The following HECW1 variants were observed in gnomAD, a reference collection of about 807,000 sequenced individuals.
HECW1 encodes the protein HECT, C2 and WW domain containing E3 ubiquitin protein ligase 1, also known as E3 ubiquitin-protein ligase HECW1.
In HECW1, 61 loss-of-function variants were observed where a neutral mutation model predicts 182.3. The observed-to-expected ratio is 0.33, with a 90% CI of 0.27 to 0.41. The LOEUF is 0.41. Among genes scored for constraint, HECW1 ranks in the 10% least tolerant of loss-of-function variants. The pLI, the probability that HECW1 is intolerant of heterozygous loss-of-function variation, is 1.00. For missense variants in HECW1, 1,739 were observed against 2,108.9 expected, an observed-to-expected ratio of 0.82 and a Z score of 3.44; for synonymous variants, 859 against 832.6, an observed-to-expected ratio of 1.03 and a Z score of -0.55.
chr7:43,546,976 A>G (rs2081590880), intron 26 of HECW1, among the ~76,000 whole-genome samples: 1 of 151,956 alleles, frequency 6.6e-6, no homozygotes, highest in Non-Finnish European at 1.5e-5. Context: ...ACAGGCCGAT[A>G]TCCTTTCTCC....
intron 2 of HECW1, among the ~76,000 whole-genome samples, chr7:43,115,122 C>T (rs1264008948): frequency 6.6e-6 from 1 of 152,136 alleles, no homozygotes; most frequent in African/African-American, 2.4e-5. Flanking sequence ...TGGTAACTGA[C>T]AGAGGAGTAA....
chr7:43,177,433 A>T (rs1792372367), intron 2 of HECW1, among the ~76,000 whole-genome samples: 2 of 152,320 alleles, frequency 1.3e-5, no homozygotes, highest in South Asian at 4.1e-4. Flanking sequence ...ATCCCAGGGC[A>T]GTCTGGACTG....
chr7:43,558,960 G>A (rs1036794771), intron 29 of HECW1, among the ~76,000 whole-genome samples: 7 of 152,228 alleles, frequency 4.6e-5, no homozygotes, highest in African/African-American at 1.4e-4. Context: ...CAAGGCTGTA[G>A]TTAGGCAGTG....
At chr7:43,548,747 G>C (rs909120115) in intron 26 of HECW1, among the ~76,000 whole-genome samples, 1 of 152,158 alleles carries the variant, frequency 6.6e-6, no homozygotes, top group Non-Finnish European at 1.5e-5. Flanking sequence ...CTCAAGACCA[G>C]CCTGGCCAAC....
chr7:43,152,197 T>C (rs1789405045), intron 2 of HECW1, among the ~76,000 whole-genome samples: 1 of 44,638 alleles, frequency 2.2e-5, no homozygotes, highest in Non-Finnish European at 3.9e-5. Flanking sequence ...AATGCATAAT[T>C]TCTGGGAAAA....
chr7:43,184,165 C>T (rs1793144340), intron 2 of HECW1, among the ~76,000 whole-genome samples: 1 of 152,158 alleles, frequency 6.6e-6, no homozygotes, highest in South Asian at 2.1e-4. Context: ...AGGTGCCCAC[C>T]ACCATGCCTG....
intron 24 of HECW1, chr7:43,523,184 A>G (rs1239759132): frequency 7.0e-6 from 2 of 285,824 alleles, no homozygotes; most frequent in African/African-American, 4.6e-5. Context: ...TTGTGTTTTT[A>G]GTACATAAGG....
At chr7:43,351,364 T>C (rs1390799477) in intron 5 of HECW1, among the ~76,000 whole-genome samples, 1 of 152,190 alleles carries the variant, frequency 6.6e-6, no homozygotes, top group Non-Finnish European at 1.5e-5. Context: ...GGTGGCACTT[T>C]CCAGAGAGTT....
chr7:43,190,854 T>C (rs975858490), intron 2 of HECW1, among the ~76,000 whole-genome samples: 1 of 152,232 alleles, frequency 6.6e-6, no homozygotes, highest in African/African-American at 2.4e-5. Flanking sequence ...GACCCAGTCT[T>C]GTTTCTGGCT....
At chr7:43,513,410 A>G (rs566852311) in intron 24 of HECW1, among the ~76,000 whole-genome samples, 7 of 152,300 alleles carry the variant, frequency 4.6e-5, no homozygotes, top group African/African-American at 1.7e-4. Flanking sequence ...AAAGACATCA[A>G]TGGAGAAACC....
chr7:43,539,961 G>T (rs533149105), intron 24 of HECW1, among the ~76,000 whole-genome samples: 5 of 152,308 alleles, frequency 3.3e-5, no homozygotes, highest in Admixed American at 3.3e-4. Context: ...AGGACCCATT[G>T]TCCCAGAAGC....
chr7:43,118,103 G>GC (rs1785222240), intron 2 of HECW1: 1 of 152,594 alleles, frequency 6.6e-6, no homozygotes. Context: ...TGCCCATGAT[G>GC]ACAAATGCCA....
At chr7:43,255,936 A>G (rs1800522911) in intron 3 of HECW1, among the ~76,000 whole-genome samples, 1 of 152,248 alleles carries the variant, frequency 6.6e-6, no homozygotes, top group South Asian at 2.1e-4. Context: ...TTTCCTTATT[A>G]TAAAAAGTTA....
chr7:43,112,841 C>T lies in HECW1; in HGVS notation c.-363C>T, dbSNP rs1001067201. On this transcript the variant is annotated 5_prime_UTR_variant, in exon 1 of 30. Coordinates refer to ENST00000395891, the MANE Select transcript of HECW1 (RefSeq NM_015052.5). ...GCCAGGGTCCCCTCCCCAGCCAGTCCCAGGCGCCCGGTGCACTATGCGGGG... is the reference window on the plus strand; with the variant it reads ...GCCAGGGTCCCCTCCCCAGCCAGTCTCAGGCGCCCGGTGCACTATGCGGGG... 15 of 227,462 alleles carry T rather than the reference C, an allele frequency of 6.6e-5. No homozygotes were observed. Among genetic ancestry groups the T allele is most frequent in the Non-Finnish European group, 1.3e-4 (15 of 114,362 alleles). 14.1% of individuals were successfully genotyped at this position (227,462 alleles called of 1,614,324 possible).
At chr7:43,498,086 G>C (rs1040316186) in intron 19 of HECW1, among the ~76,000 whole-genome samples, 1 of 152,176 alleles carries the variant, frequency 6.6e-6, no homozygotes, top group African/African-American at 2.4e-5. Context: ...AGTGCACTTT[G>C]GGATGGAGTC....
At chr7:43,406,060 G>A (rs2075600358) in intron 7 of HECW1, among the ~76,000 whole-genome samples, 1 of 152,202 alleles carries the variant, frequency 6.6e-6, no homozygotes, top group Non-Finnish European at 1.5e-5. Flanking sequence ...CAACCTTGAT[G>A]TTATGACAGA....
chr7:43,337,724 A>C (rs1216949029), intron 5 of HECW1, among the ~76,000 whole-genome samples: 1 of 152,232 alleles, frequency 6.6e-6, no homozygotes, highest in African/African-American at 2.4e-5. Flanking sequence ...AGCCAAGATC[A>C]TTGTCTCCCA....
At chr7:43,542,453 T>C (rs1269764080) in intron 26 of HECW1, among the ~76,000 whole-genome samples, 1 of 151,574 alleles carries the variant, frequency 6.6e-6, no homozygotes, top group Non-Finnish European at 1.5e-5. Flanking sequence ...TATATAGTAT[T>C]CTTCCTTTAT....
At chr7:43,543,901 C>T (rs924100707) in intron 26 of HECW1, among the ~76,000 whole-genome samples, 4 of 152,012 alleles carry the variant, frequency 2.6e-5, no homozygotes, top group Admixed American at 6.5e-5. Context: ...CCATCTTTCA[C>T]ATATGCCCTA....
Sources: allele counts gnomAD v4.1 joint callset (sites outside exome capture counted in the v4.1 genomes callset), GRCh38; gene constraint gnomAD v4.1.1; transcripts MANE v1.5; gene names NCBI Gene and HGNC (gene_info 2026-07-23, HGNC 2026-07-21).